The following CLEC19A variants were observed in gnomAD, a reference collection of about 807,000 sequenced individuals.
CLEC19A encodes the protein C-type lectin domain family 19 member A.
Under a neutral mutation model 26.1 loss-of-function variants are expected in CLEC19A, and 21 were observed. The ratio of observed to expected loss-of-function variants is 0.80; its 90% CI spans 0.57 to 1.16. The LOEUF (loss-of-function observed/expected upper bound fraction) is 1.16. Ranked by LOEUF, CLEC19A falls within the 50% of genes most tolerant of loss-of-function variation. The pLI is 0.00. For synonymous variants in CLEC19A, 89 were observed against 88.6 expected, an observed-to-expected ratio of 1.00 and a Z score of -0.03; for missense variants, 224 against 227.6, an observed-to-expected ratio of 0.98 and a Z score of 0.10.
intron 1 of CLEC19A, among the ~76,000 whole-genome samples, chr16:19,290,732 G>A (rs145489409): frequency 3.3e-3 from 507 of 152,360 alleles, no homozygotes; most frequent in African/African-American, 0.012. Context: ...CAAACAGCCA[G>A]TTTCTAAAAT....
At chr16:19,294,313 T>C (rs1419143652) in intron 1 of CLEC19A, among the ~76,000 whole-genome samples, 1 of 151,934 alleles carries the variant, frequency 6.6e-6, no homozygotes, top group Non-Finnish European at 1.5e-5. Context: ...TCTAAGGAAG[T>C]GAGGGGGGGT....
rs79761923 is a variant in CLEC19A at position 19,299,493 on chromosome 16, C to T, written c.254+655C>T. Reference sequence around the variant, plus strand: ...GCCCACCCTCCAAGGCCTCCTTCCACATTCCTCTGTCTCCGAAGCCCCAGC... The same window carrying T: ...GCCCACCCTCCAAGGCCTCCTTCCATATTCCTCTGTCTCCGAAGCCCCAGC... On this transcript the variant is annotated intron_variant, in intron 2 of 4. Coordinates refer to ENST00000636231, the MANE Select transcript of CLEC19A (RefSeq NM_001256720.2). Among the ~76,000 whole-genome samples the T allele has an allele frequency of 8.5e-5, 13 of 152,328 alleles. 1 individual carries two copies. The East Asian group carries it at 2.5e-3, about 29-fold the overall frequency.
rs1698389720 is a variant in CLEC19A, at chr16:19,310,389, T to C, written c.*1306T>C. On this transcript the variant is annotated 3_prime_UTR_variant, in exon 5 of 5. Coordinates refer to ENST00000636231, the MANE Select transcript of CLEC19A (RefSeq NM_001256720.2). ...GGGAGGCTGAGATGGGAGGATCACT[T>C]GAGCCCAGGATATCAAGGCTGCAAT... 6.6e-6 allele frequency: 1 copy of C among 152,450 alleles called. No homozygotes were observed. The highest frequency in any genetic ancestry group is 1.5e-5 in the Non-Finnish European group (1 of 68,040). 9.4% of individuals were successfully genotyped at this position (152,450 alleles called of 1,614,324 possible).
intron 3 of CLEC19A, chr16:19,304,764 T>A (rs907106255): frequency 6.6e-6 from 1 of 151,962 alleles, no homozygotes; most frequent in Admixed American, 6.6e-5. Flanking sequence ...GGGGAAATAT[T>A]TGTGAACAAA....
At chr16:19,289,404 G>A (rs534185060) in intron 1 of CLEC19A, among the ~76,000 whole-genome samples, 1 of 152,296 alleles carries the variant, frequency 6.6e-6, no homozygotes, top group South Asian at 2.1e-4. Flanking sequence ...TGTTACATTT[G>A]GTGTTTAATA....
chr16:19,304,396 T>TA (rs35007845), intron 3 of CLEC19A: 65,462 of 196,030 alleles, frequency 0.33, 10,742 homozygotes, highest in Non-Finnish European at 0.4. Flanking sequence ...TGGGTTCTCT[T>TA]AAAAAAAAAA....
At chr16:19,294,302 T>C (rs778446437) in intron 1 of CLEC19A, among the ~76,000 whole-genome samples, 6 of 152,198 alleles carry the variant, frequency 3.9e-5, no homozygotes, top group Non-Finnish European at 8.8e-5. Flanking sequence ...TAGACTGGAC[T>C]TCTAAGGAAG....
intron 1 of CLEC19A, among the ~76,000 whole-genome samples, chr16:19,287,113 C>T (rs1691703731): frequency 6.7e-6 from 1 of 149,522 alleles, no homozygotes; most frequent in Non-Finnish European, 1.5e-5. Context: ...TCAGTTCTGT[C>T]CTAAACTCTC....
intron 2 of CLEC19A, among the ~76,000 whole-genome samples, chr16:19,303,164 C>T (rs1414725266): frequency 1.3e-5 from 2 of 152,202 alleles, no homozygotes; most frequent in Non-Finnish European, 2.9e-5. Flanking sequence ...AGACACTCAG[C>T]ACAGTACCTG....
At chr16:19,303,176 C>T (rs1897871453) in intron 2 of CLEC19A, among the ~76,000 whole-genome samples, 1 of 152,146 alleles carries the variant, frequency 6.6e-6, no homozygotes, top group Admixed American at 6.5e-5. Flanking sequence ...CAGTACCTGG[C>T]ATGAAGTCAG....
intron 3 of CLEC19A, among the ~76,000 whole-genome samples, chr16:19,307,214 T>C (rs1897975879): frequency 6.6e-6 from 1 of 152,180 alleles, no homozygotes; most frequent in Non-Finnish European, 1.5e-5. Flanking sequence ...TTATTTGCTG[T>C]GTGAATTTGG....
intron 4 of CLEC19A, among the ~76,000 whole-genome samples, chr16:19,308,427 A>G (rs1391050450): frequency 6.6e-6 from 1 of 152,230 alleles, no homozygotes; most frequent in East Asian, 1.9e-4. Flanking sequence ...TGTGAATAAA[A>G]AAAGAAGATA....
At chr16:19,289,036 G>A (rs761980621) in intron 1 of CLEC19A, among the ~76,000 whole-genome samples, 2 of 152,164 alleles carry the variant, frequency 1.3e-5, no homozygotes, top group Non-Finnish European at 1.5e-5. Flanking sequence ...TTTCTGTGAA[G>A]TAGGCACTAT....
intron 3 of CLEC19A, among the ~76,000 whole-genome samples, chr16:19,306,147 T>C (rs1897949025): frequency 6.6e-6 from 1 of 150,642 alleles, no homozygotes; most frequent in Admixed American, 6.6e-5. Context: ...CCGGCCTATT[T>C]TTTTTTTTTT....
intron 1 of CLEC19A, among the ~76,000 whole-genome samples, chr16:19,288,354 A>G (rs1402011213): frequency 6.6e-6 from 1 of 152,154 alleles, no homozygotes; most frequent in Non-Finnish European, 1.5e-5. Flanking sequence ...CCGGCCGACC[A>G]TGAGAATACA....
intron 1 of CLEC19A, among the ~76,000 whole-genome samples, chr16:19,289,195 A>G (rs761114280): frequency 1.3e-5 from 2 of 152,152 alleles, no homozygotes; most frequent in Non-Finnish European, 2.9e-5. Flanking sequence ...CCCGGATCCT[A>G]AAGTGTCCCT....
intron 1 of CLEC19A, among the ~76,000 whole-genome samples, chr16:19,288,093 A>T (rs529955498): frequency 6.6e-6 from 1 of 152,200 alleles, no homozygotes. Context: ...CAACCTTTCC[A>T]TATTAAGGCT....
chr16:19,291,953 T>C (rs922856227), intron 1 of CLEC19A, among the ~76,000 whole-genome samples: 1 of 152,072 alleles, frequency 6.6e-6, no homozygotes, highest in Non-Finnish European at 1.5e-5. Flanking sequence ...AGGACCAGAA[T>C]GGGGAGGTGG....
At chr16:19,287,039 T>TTAATCTAGCATCCCTAGTG (rs1897486266) in intron 1 of CLEC19A, among the ~76,000 whole-genome samples, 1 of 86,496 alleles carries the variant, frequency 1.2e-5, no homozygotes, top group African/African-American at 4.3e-5. Context: ...TTTTTTTTTT[T>TTAATCTAGCATCCCTAGTG]GTTAATCTAG....
Sources: gnomAD v4.1 joint callset for allele counts (sites outside exome capture counted in the v4.1 genomes callset) on GRCh38, gnomAD v4.1.1 for gene constraint, MANE v1.5 for transcripts, NCBI Gene and HGNC (gene_info 2026-07-23, HGNC 2026-07-21) for gene names.